Variants in TMEM128 observed in about 807,000 individuals in gnomAD.
TMEM128 encodes the protein transmembrane protein 128.
TMEM128 carries 16 observed loss-of-function variants against 19.7 expected under a neutral mutation model. The ratio of observed to expected loss-of-function variants is 0.81; its 90% CI spans 0.55 to 1.23. TMEM128 has a LOEUF of 1.23. Ranked by LOEUF, TMEM128 falls within the 50% of genes most tolerant of loss-of-function variation. The pLI is 0.00. For synonymous variants in TMEM128, 98 were observed against 75.8 expected, an observed-to-expected ratio of 1.29 and a Z score of -1.52; for missense variants, 237 against 200.8, an observed-to-expected ratio of 1.18 and a Z score of -1.09.
Position 4,248,197 on chromosome 4 carries a change from G to C in TMEM128, c.6C>G (p.Asp2Glu), listed in dbSNP as rs150283143. M[D>E]SSRARQQLRR... Reference sequence around the variant, plus strand: ...GGAGCTGCTGCCGGGCCCGCGAGGAGTCCATCTTGGTACCGCCCCGAAATG... The same window carrying C: ...GGAGCTGCTGCCGGGCCCGCGAGGACTCCATCTTGGTACCGCCCCGAAATG... Residue 2 changes from aspartate to glutamate, a missense_variant, in exon 1 of 5, where the codon GAC becomes GAG. Coordinates refer to ENST00000382753, the MANE Select transcript of TMEM128 (RefSeq NM_001297551.2). 6.6e-7 allele frequency: 1 copy of C among 1,522,128 alleles called. No homozygotes were observed. The highest frequency in any genetic ancestry group is 1.2e-5 in the South Asian group (1 of 82,322). 94.3% of individuals were successfully genotyped at this position (1,522,128 alleles called of 1,614,324 possible).
chr4:4,235,780 T>C lies in TMEM128; in HGVS notation c.*486A>G, dbSNP rs1717695202. On this transcript the variant is annotated 3_prime_UTR_variant, in exon 5 of 5. Coordinates refer to ENST00000382753, the MANE Select transcript of TMEM128 (RefSeq NM_001297551.2). The stretch of plus-strand genomic sequence containing the variant: ...GGCACATGACAACATAATTCCTTTA[T>C]ACACATCCAGTCATTTTATACAAGG... 6.6e-6 allele frequency: 1 copy of C among 152,654 alleles called. No homozygotes were observed. The highest frequency in any genetic ancestry group is 2.4e-5 in the African/African-American group (1 of 41,458). 9.5% of individuals were successfully genotyped at this position (152,654 alleles called of 1,614,324 possible).
intron 1 of TMEM128, chr4:4,247,509 G>C: frequency 6.3e-7 from 1 of 1,577,760 alleles, no homozygotes; most frequent in Non-Finnish European, 8.7e-7. Flanking sequence ...CTTAACCTCA[G>C]ATCTAATCCC....
chr4:4,243,483 A>C (rs12499131), intron 2 of TMEM128, among the ~76,000 whole-genome samples: 47,078 of 152,094 alleles, frequency 0.31, 7,907 homozygotes, highest in East Asian at 0.46. Flanking sequence ...AGGAAAAAGA[A>C]ATCACCTCAG....
rs771177507 is a variant in TMEM128 at position 4,246,312 on chromosome 4, T to G, written c.129A>C (p.Lys43Asn). ...AATGGATATTAAGTCTTGGAAGAGG[T>G]TTCTCCTTTTTCTCAACAGCTGTGG... ...ETSTAVEKKEKPLPRLNIHSG... is the reference protein window; with the variant it reads ...ETSTAVEKKENPLPRLNIHSG... The change falls in exon 2 of 5, where the codon AAA (lysine) becomes AAC (asparagine). Residue 43 changes from lysine (K) to asparagine (N), a missense_variant. Coordinates refer to ENST00000382753, the MANE Select transcript of TMEM128 (RefSeq NM_001297551.2). 2.4e-5 allele frequency: 38 copies of G among 1,610,138 alleles called. No homozygotes were observed. Among genetic ancestry groups the G allele is most frequent in the Non-Finnish European group, 2.6e-5 (31 of 1,178,880 alleles).
Position 4,248,134 on chromosome 4 carries a change from C to A in TMEM128, c.69G>T (p.Gln23His), listed in dbSNP as rs1442610829. ...RFLLLPDAEA[Q>H]LDREGDAGPE... Reference sequence around the variant, plus strand: ...GCCCGGCGTCACCCTCGCGGTCCAGCTGGGCCTCGGCGTCCGGCAGGAGGA... The same window carrying A: ...GCCCGGCGTCACCCTCGCGGTCCAGATGGGCCTCGGCGTCCGGCAGGAGGA... The change falls in exon 1 of 5, where the codon CAG becomes CAT. Residue 23 changes from glutamine to histidine, a missense_variant. By Grantham distance (24) the Gln-to-His change is conservative (BLOSUM62 0). Coordinates refer to ENST00000382753, the MANE Select transcript of TMEM128 (RefSeq NM_001297551.2). 1 of 1,535,028 alleles carries A rather than the reference C, an allele frequency of 6.5e-7. No homozygotes were observed.
intron 4 of TMEM128, among the ~76,000 whole-genome samples, chr4:4,236,573 G>A (rs1037956333): frequency 1.1e-4 from 17 of 152,160 alleles, no homozygotes; most frequent in African/African-American, 3.6e-4. Context: ...GCCCAAAGCC[G>A]CTTGTGGCAC....
intron 1 of TMEM128, chr4:4,247,738 G>T: frequency 6.4e-7 from 1 of 1,574,056 alleles, no homozygotes; most frequent in East Asian, 2.3e-5. Flanking sequence ...TTCTGCTGAC[G>T]GGCAAGGCAG....
intron 1 of TMEM128, among the ~76,000 whole-genome samples, chr4:4,246,904 C>T (rs1407756990): frequency 6.6e-6 from 1 of 151,970 alleles, no homozygotes; most frequent in Non-Finnish European, 1.5e-5. Context: ...CCTGCCACCA[C>T]GCCGGGCTAA....
At chr4:4,239,380 C>CATCT (rs1717852907) in intron 3 of TMEM128, among the ~76,000 whole-genome samples, 1 of 151,344 alleles carries the variant, frequency 6.6e-6, no homozygotes, top group South Asian at 2.1e-4. Flanking sequence ...AAATGAGACA[C>CATCT]ATCTATATGT....
chr4:4,248,173 G>A lies in TMEM128; in HGVS notation c.30C>T (p.Leu10=). The A allele has an allele frequency of 6.5e-7, 1 of 1,532,238 alleles. No individual in the cohort carries two copies. The highest frequency in any genetic ancestry group is 8.8e-7 in the Non-Finnish European group (1 of 1,140,406). 94.9% of individuals were successfully genotyped at this position (1,532,238 alleles called of 1,614,324 possible). A position where few individuals can be genotyped will look rare whatever the true frequency, so the allele number is the denominator to read the frequency against. ...CCGGCAGGAGGAGGAATCGCCGCCGGAGCTGCTGCCGGGCCCGCGAGGAGT... is the reference window on the plus strand; with the variant it reads ...CCGGCAGGAGGAGGAATCGCCGCCGAAGCTGCTGCCGGGCCCGCGAGGAGT... MDSSRARQQ[L]RRRFLLLPDA... The change falls in exon 1 of 5, where the codon CTC becomes CTT. Residue 10 remains leucine (L), a synonymous_variant. Transcript: ENST00000382753.
At chr4:4,238,113 T>C (rs1345240243) in intron 3 of TMEM128, among the ~76,000 whole-genome samples, 178 bp from the exon 4 acceptor site, 1 of 152,254 alleles carries the variant, frequency 6.6e-6, no homozygotes, top group East Asian at 1.9e-4. Flanking sequence ...ACTCTAGATA[T>C]ACTTAAACAA....
intron 2 of TMEM128, among the ~76,000 whole-genome samples, chr4:4,243,715 T>A (rs912838907): frequency 6.6e-6 from 1 of 152,178 alleles, no homozygotes; most frequent in East Asian, 1.9e-4. Flanking sequence ...GATCTATGAC[T>A]TCTACTTTCT....
At chr4:4,246,168 G>C (rs1560220965) in intron 2 of TMEM128, 34 bp downstream of exon 2, 1 of 1,571,946 alleles carries the variant, frequency 6.4e-7, no homozygotes, top group Non-Finnish European at 8.6e-7. Context: ...AATCAGACTT[G>C]GGTTTAATTT....
intron 2 of TMEM128, 30 bp from the exon 3 acceptor site, chr4:4,240,509 A>C (rs1332753340): frequency 7.5e-6 from 12 of 1,599,908 alleles, no homozygotes; most frequent in Non-Finnish European, 1.0e-5. Context: ...AAGAGGTCTG[A>C]CAGCACTTAA....
chr4:4,243,366 G>T (rs971614989), intron 2 of TMEM128, among the ~76,000 whole-genome samples: 95 of 152,344 alleles, frequency 6.2e-4, no homozygotes, highest in African/African-American at 2.3e-3. Context: ...ACAGGCGTGA[G>T]CCACCGCGCC....
At chr4:4,241,728 T>C (rs969832397) in intron 2 of TMEM128, among the ~76,000 whole-genome samples, 1 of 152,166 alleles carries the variant, frequency 6.6e-6, no homozygotes. Context: ...AATCTTAACT[T>C]GAGCAAGACT....
At chr4:4,240,581 C>G in intron 2 of TMEM128, 102 bp from the exon 3 acceptor site, 1 of 1,325,680 alleles carries the variant, frequency 7.5e-7, no homozygotes, top group South Asian at 1.5e-5. Flanking sequence ...CTAAGAATAT[C>G]AAGTGTTGCA....
chr4:4,238,192 G>A (rs544510537), intron 3 of TMEM128, among the ~76,000 whole-genome samples: 24 of 152,274 alleles, frequency 1.6e-4, no homozygotes, highest in African/African-American at 5.8e-4. Context: ...GGGTTGACAT[G>A]GCTTAATAGA....
chr4:4,242,286 G>A (rs1717989326), intron 2 of TMEM128, among the ~76,000 whole-genome samples: 1 of 143,792 alleles, frequency 7.0e-6, no homozygotes, highest in Non-Finnish European at 1.6e-5. Context: ...TTCTGCTAGA[G>A]CATGCAATCT....
Sources: allele counts gnomAD v4.1 joint callset (sites outside exome capture counted in the v4.1 genomes callset), GRCh38; gene constraint gnomAD v4.1.1; transcripts MANE v1.5; gene names NCBI Gene and HGNC (gene_info 2026-07-23, HGNC 2026-07-21).